Variants in APBB1 observed in about 807,000 individuals in gnomAD.
APBB1 encodes amyloid beta precursor protein binding family B member 1, also known as adaptor protein FE65a2.
Under a neutral mutation model 78.4 loss-of-function variants are expected in APBB1, and 22 were observed. The ratio of observed to expected loss-of-function variants is 0.28; its 90% CI spans 0.20 to 0.40. The LOEUF (loss-of-function observed/expected upper bound fraction) is 0.40, where lower values mean the gene tolerates loss of function less well. APBB1 is among the 10% of genes least tolerant of loss of function. The probability of loss-of-function intolerance (pLI) is 1.00; values close to 1 mark genes in which losing one functional copy is unlikely to be tolerated. For missense variants in APBB1, 749 were observed against 932.4 expected (o/e 0.80, Z 2.56); for synonymous variants, 369 against 372.7 (o/e 0.99, Z 0.12).
At chr11:6,418,922 C>T (rs1490031313) in intron 1 of APBB1, 63 bp downstream of exon 1, 3 of 378,190 alleles carry the variant, frequency 7.9e-6, no homozygotes, top group African/African-American at 2.1e-5. Context: ...CTACAGGGTC[C>T]GCCGGCCGCT....
Position 6,411,373 on chromosome 11 carries a change from G to A in APBB1, c.-14-12C>T, listed in dbSNP as rs371277690. The A allele has an allele frequency of 1.7e-4, 262 of 1,518,834 alleles. No homozygotes were observed. Among genetic ancestry groups the A allele is most frequent in the Middle Eastern group, 1.2e-3 (6 of 5,080 alleles). 94.1% of individuals were successfully genotyped at this position (1,518,834 alleles called of 1,614,324 possible). A position where few individuals can be genotyped will look rare whatever the true frequency, so the allele number is the denominator to read the frequency against. ...GGCCTTGGCAGCTCCTGTGGGGTGC[G>A]GAGGGGAGATGCTGTTGAGCCTCTG... On this transcript the variant is annotated splice_polypyrimidine_tract_variant and intron_variant, in intron 1 of 14. Coordinates refer to ENST00000609360, the MANE Select transcript of APBB1 (RefSeq NM_001164.5). The surrounding 1 kb of genome is among the most constrained non-coding windows in gnomAD (Gnocchi z 5.2).
intron 2 of APBB1, chr11:6,404,921 G>T: frequency 6.9e-7 from 1 of 1,455,990 alleles, no homozygotes; most frequent in Non-Finnish European, 9.0e-7. Flanking sequence ...CTTCTCACCA[G>T]GGCAGAGCGT....
At chr11:6,419,247 C>A (rs1043245011), upstream of APBB1, 6 of 292,260 alleles carry the variant, frequency 2.1e-5, no homozygotes, top group Non-Finnish European at 3.1e-5. Flanking sequence ...CCTCGGTGAG[C>A]CCCGCGGTCC....
chr11:6,407,045 C>T lies in APBB1; in HGVS notation c.722-3223G>A, dbSNP rs73398876. On this transcript the variant is annotated intron_variant, in intron 2 of 14. Transcript: ENST00000609360. Reference sequence around the variant, plus strand: ...CATTCATTTAATTCATGAATTCATGCATTTATGCATTCAATCCATAGCTCT... The same window carrying T: ...CATTCATTTAATTCATGAATTCATGTATTTATGCATTCAATCCATAGCTCT... 3.5e-3 allele frequency among the ~76,000 whole-genome samples: 534 copies of T among 152,292 alleles called. 2 individuals carry two copies. The highest frequency in any genetic ancestry group is 0.012 in the African/African-American group (515 of 41,532).
intron 12 of APBB1, among the ~76,000 whole-genome samples, chr11:6,400,490 T>C (rs867849116): frequency 2.7e-5 from 4 of 148,144 alleles, no homozygotes; most frequent in Non-Finnish European, 3.0e-5. Context: ...TGCAGTGAGC[T>C]AAGATCACGC....
At position 6,403,462 on chromosome 11, in the gene APBB1, G is replaced by A. The variant is rs778674521; in HGVS notation, c.954+26C>T. 99 of 1,614,082 alleles carry A rather than the reference G, an allele frequency of 6.1e-5. No homozygotes were observed. The highest frequency in any genetic ancestry group is 1.8e-4 in the Admixed American group (11 of 60,026). ...ATGATGCCCCTCCTCCAGCTATCCC[G>A]TGGTAAAGCAGGTCCCCTTACCCAC... On this transcript the variant is annotated intron_variant, in intron 4 of 14. Coordinates refer to ENST00000609360, the MANE Select transcript of APBB1 (RefSeq NM_001164.5). The surrounding 1 kb of genome is among the most constrained non-coding windows in gnomAD (Gnocchi z 5.3).
chr11:6,402,090 G>C lies in APBB1; in HGVS notation c.1374C>G (p.Asp458Glu). 1 of 1,614,032 alleles carries C rather than the reference G, an allele frequency of 6.2e-7. No individual in the cohort carries two copies. Among genetic ancestry groups the C allele is most frequent in the South Asian group, 1.1e-5 (1 of 91,082 alleles). The change falls in exon 8 of 15, where the codon GAC becomes GAG. Residue 458 changes from aspartate (D) to glutamate (E), a missense_variant. This residue lies in a region of APBB1 where 635 missense variants were observed against 765.0 expected (regional missense o/e 0.83). Transcript: ENST00000609360. ...CCAAGCCCTATTCCCACCTTCCACT[G>C]TCCCGCCCGACGCCCCACACGCGGA... ...ISIRVWGVGR[D>E]SGRERDFAYV...
rs191565545 is a variant in APBB1 at position 6,414,740 on chromosome 11, G to A, written c.-14-3379C>T. Among the ~76,000 whole-genome samples, 10 of 152,270 alleles carry A rather than the reference G, an allele frequency of 6.6e-5. No homozygotes were observed. In the East Asian group the frequency reaches 1.7e-3, roughly 26 times the overall value. ...GGAGGTAGCTTAAACCAACATCTTGGCACAGACACTGTTCAAGAGTGGCAT... is the reference window on the plus strand; with the variant it reads ...GGAGGTAGCTTAAACCAACATCTTGACACAGACACTGTTCAAGAGTGGCAT... On this transcript the variant is annotated intron_variant, in intron 1 of 14. Coordinates refer to ENST00000609360, the MANE Select transcript of APBB1 (RefSeq NM_001164.5).
At chr11:6,402,465 G>A in intron 7 of APBB1, 111 bp downstream of exon 7, 1 of 1,289,954 alleles carries the variant, frequency 7.8e-7, no homozygotes, top group Non-Finnish European at 1.1e-6. Flanking sequence ...CTTAGGATGG[G>A]CCAATATCCC....
intron 6 of APBB1, 78 bp from the exon 7 acceptor site, chr11:6,402,803 G>A (rs1848595920): frequency 1.9e-6 from 3 of 1,569,970 alleles, no homozygotes; most frequent in African/African-American, 2.7e-5. Context: ...GAGTGTGGCA[G>A]GAGGCAGGGT....
In APBB1 at chr11:6,419,014, C is replaced by T. The variant is rs1849192145; in HGVS notation, c.-44G>A. 1 of 393,230 alleles carries T rather than the reference C, an allele frequency of 2.5e-6. No individual in the cohort carries two copies. The highest frequency in any genetic ancestry group is 4.5e-6 in the Non-Finnish European group (1 of 222,486). 24.4% of individuals were successfully genotyped at this position (393,230 alleles called of 1,614,324 possible). A position where few individuals can be genotyped will look rare whatever the true frequency, so the allele number is the denominator to read the frequency against. On this transcript the variant is annotated 5_prime_UTR_variant, in exon 1 of 15. Coordinates refer to ENST00000609360, the MANE Select transcript of APBB1 (RefSeq NM_001164.5). ...GCGGTGAGGCCCCGGGCCCAGATGA[C>T]GGAGGTGGCTCAGGCTGCGGGGTTC...
Position 6,401,920 on chromosome 11 carries a change from C to A in APBB1, c.1388+57G>T. On this transcript the variant is annotated intron_variant, in intron 9 of 14. Transcript: ENST00000609360. This position sits in a 1 kb window ranked among gnomAD's most constrained non-coding sequence, Gnocchi z 4.5. Reference sequence around the variant, plus strand: ...GAAGGGGCAGGGCAGAAGAGGGGAGCTTGGGTGCTTCCAGGCATCTGGTCC... The same window carrying A: ...GAAGGGGCAGGGCAGAAGAGGGGAGATTGGGTGCTTCCAGGCATCTGGTCC... 1 of 1,551,342 alleles carries A rather than the reference C, an allele frequency of 6.4e-7. No individual in the cohort carries two copies. The highest frequency in any genetic ancestry group is 8.7e-7 in the Non-Finnish European group (1 of 1,151,656).
chr11:6,405,204 T>C (rs1848749867), intron 2 of APBB1: 2 of 1,096,842 alleles, frequency 1.8e-6, no homozygotes, highest in Non-Finnish European at 2.2e-6. Flanking sequence ...CCCAGCTGCC[T>C]GGGGCCCTGC....
At chr11:6,414,181 G>A (rs1484032920) in intron 1 of APBB1, among the ~76,000 whole-genome samples, 5 of 152,168 alleles carry the variant, frequency 3.3e-5, no homozygotes, top group Non-Finnish European at 7.3e-5. Context: ...AAGCGTGGCG[G>A]ATTCTGAAAC....
chr11:6,403,611 C>T lies in APBB1; in HGVS notation c.897+36G>A. On this transcript the variant is annotated intron_variant, in intron 3 of 14. Transcript: ENST00000609360. This position sits in a 1 kb window ranked among gnomAD's most constrained non-coding sequence, Gnocchi z 5.3. ...ACTCCAGCAGCACACACTCCCTCCA[C>T]CCCTGGCCCAAAATCAACAGGCCTG... 6.2e-7 allele frequency: 1 copy of T among 1,613,178 alleles called. No individual in the cohort carries two copies. Among genetic ancestry groups the T allele is most frequent in the Non-Finnish European group, 8.5e-7 (1 of 1,179,312 alleles).
intron 8 of APBB1, 44 bp downstream of exon 8, chr11:6,402,038 T>G (rs1384339765): frequency 6.2e-7 from 1 of 1,608,752 alleles, no homozygotes; most frequent in Non-Finnish European, 8.5e-7. Flanking sequence ...AGGACTCTGA[T>G]GCTGGATGAA....
intron 12 of APBB1, among the ~76,000 whole-genome samples, chr11:6,400,541 T>TAA (rs5789463): frequency 0.038 from 5,446 of 142,010 alleles, 341 homozygotes; most frequent in African/African-American, 0.13. Context: ...GACTTGTCTT[T>TAA]AAAAAAAAAA....
At position 6,401,814 on chromosome 11, in the gene APBB1, A is replaced by G; in HGVS notation, c.1389-126T>C. ...GGCTTCTGCCCACAGCTGGTCCCCC[A>G]TAGGTGCTGCCTTCTTGGGGGGGAG... On this transcript the variant is annotated intron_variant, in intron 9 of 14. Transcript: ENST00000609360. This position sits in a 1 kb window ranked among gnomAD's most constrained non-coding sequence, Gnocchi z 4.5. 1 of 1,427,238 alleles carries G rather than the reference A, an allele frequency of 7.0e-7. No individual in the cohort carries two copies. Among genetic ancestry groups the G allele is most frequent in the South Asian group, 1.2e-5 (1 of 84,722 alleles). The allele number at this position is 1,427,238 out of a possible 1,614,324, so 88.4% of individuals were successfully genotyped here.
At chr11:6,405,576 G>A (rs2134087978) in intron 2 of APBB1, 1 of 986,022 alleles carries the variant, frequency 1.0e-6, no homozygotes, top group African/African-American at 1.7e-5. Context: ...CAGCAGGGCT[G>A]GGAGTGGGCG....
Sources: allele counts gnomAD v4.1 joint callset (sites outside exome capture counted in the v4.1 genomes callset), GRCh38; gene constraint gnomAD v4.1.1; regional missense constraint gnomAD v4.1.1; non-coding constraint Gnocchi (gnomAD v3.1); transcripts MANE v1.5; gene names NCBI Gene and HGNC (gene_info 2026-07-23, HGNC 2026-07-21).